Variants in TDP1 observed in about 807,000 individuals in gnomAD.
The protein encoded by TDP1 is tyrosyl-DNA phosphodiesterase 1.
A neutral mutation model predicts 81.5 loss-of-function variants in TDP1; 64 were observed. The ratio of observed to expected loss-of-function variants is 0.79; its 90% CI spans 0.64 to 0.97. The LOEUF (loss-of-function observed/expected upper bound fraction) is 0.97. Among genes scored for constraint, TDP1 ranks in the 50% least tolerant of loss-of-function variants. The pLI is 0.00. For synonymous variants in TDP1, 256 were observed against 264.3 expected, an observed-to-expected ratio of 0.97 and a Z score of 0.30; for missense variants, 723 against 743.8, an observed-to-expected ratio of 0.97 and a Z score of 0.33.
At chr14:89,964,197 C>T (rs1275180246) in intron 3 of TDP1, among the ~76,000 whole-genome samples, 1 of 151,174 alleles carries the variant, frequency 6.6e-6, no homozygotes, top group Non-Finnish European at 1.5e-5. Flanking sequence ...GTTTTAGTTC[C>T]TGGTGAAGAA....
At chr14:90,008,458 C>G (rs980873767) in intron 14 of TDP1, among the ~76,000 whole-genome samples, 2 of 152,184 alleles carry the variant, frequency 1.3e-5, no homozygotes, top group Non-Finnish European at 2.9e-5. Context: ...CAGAGTCACG[C>G]TGCCTGAGTT....
chr14:90,017,477 G>A lies in TDP1; in HGVS notation c.1542-1839G>A, dbSNP rs186398400. The stretch of plus-strand genomic sequence containing the variant: ...ATCTGTTACAAGCCAAATAAAAGGA[G>A]GGATTGGAGGAAGCCATCTGAAAGG... On this transcript the variant is annotated intron_variant, in intron 14 of 16. Coordinates refer to ENST00000335725, the MANE Select transcript of TDP1 (RefSeq NM_018319.4). 6.6e-5 allele frequency among the ~76,000 whole-genome samples: 10 copies of A among 152,290 alleles called. No homozygotes were observed. The East Asian group carries it at 1.9e-3, about 29-fold the overall frequency.
At chr14:90,032,709 C>G in intron 15 of TDP1, 3 of 983,316 alleles carry the variant, frequency 3.1e-6, no homozygotes, top group Non-Finnish European at 3.6e-6. Flanking sequence ...TCTTCTTACT[C>G]CAGGCAGCCT....
intron 14 of TDP1, among the ~76,000 whole-genome samples, chr14:90,003,608 A>G (rs1417170140): frequency 6.6e-6 from 1 of 152,204 alleles, no homozygotes; most frequent in Non-Finnish European, 1.5e-5. Context: ...CCTAGGTGTA[A>G]TTGGCAAACC....
At chr14:90,020,984 C>T (rs1001623830) in intron 15 of TDP1, among the ~76,000 whole-genome samples, 3 of 151,556 alleles carry the variant, frequency 2.0e-5, no homozygotes, top group Non-Finnish European at 4.4e-5. Context: ...TTAGTAGAGA[C>T]GGGGTTTCAC....
At chr14:90,021,694 C>T (rs1214968340) in intron 15 of TDP1, among the ~76,000 whole-genome samples, 1 of 152,140 alleles carries the variant, frequency 6.6e-6, no homozygotes, top group Non-Finnish European at 1.5e-5. Flanking sequence ...TAAGAAAGAG[C>T]CCCATTATAG....
intron 8 of TDP1, chr14:89,983,221 GTCATTTT>G (rs1363421149): frequency 6.7e-6 from 3 of 444,786 alleles, no homozygotes; most frequent in Non-Finnish European, 1.3e-5. Flanking sequence ...GCCCAACCTG[GTCATTTT>G]ACACACGGAG....
intron 16 of TDP1, among the ~76,000 whole-genome samples, chr14:90,036,461 A>C (rs138970125): frequency 4.6e-5 from 7 of 152,330 alleles, no homozygotes; most frequent in Non-Finnish European, 8.8e-5. Flanking sequence ...AAGACAGAAG[A>C]CTACAAAAAG....
chr14:89,998,806 A>T (rs376486307), intron 14 of TDP1, among the ~76,000 whole-genome samples: 2 of 152,000 alleles, frequency 1.3e-5, no homozygotes, highest in Non-Finnish European at 1.5e-5. Flanking sequence ...ACTGGAGTCA[A>T]TAGGATGGGA....
At chr14:90,031,083 T>C (rs1023529362) in intron 15 of TDP1, among the ~76,000 whole-genome samples, 1 of 152,048 alleles carries the variant, frequency 6.6e-6, no homozygotes, top group African/African-American at 2.4e-5. Context: ...TTTCCCACTT[T>C]TACAAACACA....
At chr14:90,014,687 A>T (rs1885109609) in intron 14 of TDP1, among the ~76,000 whole-genome samples, 1 of 152,226 alleles carries the variant, frequency 6.6e-6, no homozygotes, top group Admixed American at 6.5e-5. Context: ...GATGAAAAAG[A>T]AATATTTTAT....
intron 15 of TDP1, among the ~76,000 whole-genome samples, chr14:90,023,881 C>T (rs1886362374): frequency 2.0e-5 from 3 of 152,196 alleles, no homozygotes; most frequent in Non-Finnish European, 4.4e-5. Flanking sequence ...CCATGTTGCC[C>T]AGACTGGTCT....
chr14:89,961,732 G>A (rs938193770), intron 2 of TDP1, among the ~76,000 whole-genome samples: 2 of 152,140 alleles, frequency 1.3e-5, no homozygotes, highest in African/African-American at 4.8e-5. Context: ...AGAGACATAT[G>A]CATATGTATT....
intron 14 of TDP1, chr14:90,018,998 C>A: frequency 1.0e-6 from 1 of 982,630 alleles, no homozygotes; most frequent in Non-Finnish European, 1.2e-6. Flanking sequence ...ATCCTGGCTA[C>A]TCCAGGATCG....
At chr14:89,956,922 T>C (rs982346530) in intron 2 of TDP1, 122 bp downstream of exon 2, 1 of 152,216 alleles carries the variant, frequency 6.6e-6, no homozygotes, top group African/African-American at 2.4e-5. Flanking sequence ...TAAATCGGAC[T>C]CCCCTTCTTA....
chr14:90,024,710 C>G (rs1025595187), intron 15 of TDP1, among the ~76,000 whole-genome samples: 34 of 152,178 alleles, frequency 2.2e-4, no homozygotes, highest in African/African-American at 7.5e-4. Flanking sequence ...GCAGTACTTA[C>G]AAATGCCAAT....
At chr14:89,981,510 C>A (rs981677969) in intron 8 of TDP1, 3 of 454,096 alleles carry the variant, frequency 6.6e-6, no homozygotes, top group Non-Finnish European at 1.3e-5. Context: ...GGTTAACAAA[C>A]AGCCTTCTGT....
At chr14:90,017,754 C>A (rs947168367) in intron 14 of TDP1, among the ~76,000 whole-genome samples, 1 of 152,198 alleles carries the variant, frequency 6.6e-6, no homozygotes, top group Non-Finnish European at 1.5e-5. Context: ...ACCTGTTTTA[C>A]TAACAGGTGA....
At position 89,989,082 on chromosome 14, in the gene TDP1, C is replaced by T. The variant is rs756534328; in HGVS notation, c.1309C>T (p.Leu437Phe). The T allele has an allele frequency of 2.9e-5, 47 of 1,613,478 alleles. No individual in the cohort carries two copies. Among genetic ancestry groups the T allele is most frequent in the Non-Finnish European group, 3.5e-5 (41 of 1,179,754 alleles). Reference sequence around the variant, plus strand: ...GACTCCAGGAAAAAGCTCTGTTCCTCTTTACTTGGTGAGTTCTCGTCCTCA... The same window carrying T: ...GACTCCAGGAAAAAGCTCTGTTCCTTTTTACTTGGTGAGTTCTCGTCCTCA... ...SKTPGKSSVP[L>F]YLIYPSVENV... Residue 437 changes from leucine (L) to phenylalanine (F), a missense_variant, in exon 11 of 17, where the codon CTT becomes TTT. Leu to Phe is a conservative substitution (Grantham distance 22, BLOSUM62 0). Transcript: ENST00000335725.
Sources: allele counts gnomAD v4.1 joint callset (sites outside exome capture counted in the v4.1 genomes callset), GRCh38; gene constraint gnomAD v4.1.1; transcripts MANE v1.5; gene names NCBI Gene and HGNC (gene_info 2026-07-23, HGNC 2026-07-21).